The following TMEM182 variants were observed in gnomAD, a reference collection of about 807,000 sequenced individuals.
The protein encoded by TMEM182 is transmembrane protein 182.
TMEM182 carries 20 observed loss-of-function variants against 26.8 expected under a neutral mutation model. That is an observed-to-expected ratio of 0.75 (90% CI 0.53 to 1.09). The LOEUF (loss-of-function observed/expected upper bound fraction) is 1.09. Among genes scored for constraint, TMEM182 ranks in the 50% least tolerant of loss-of-function variants. The pLI, the probability that TMEM182 is intolerant of heterozygous loss-of-function variation, is 0.00. For synonymous variants in TMEM182, 109 were observed against 102.2 expected, an observed-to-expected ratio of 1.07 and a Z score of -0.40; for missense variants, 277 against 275.5, an observed-to-expected ratio of 1.01 and a Z score of -0.04.
At chr2:102,771,106 C>T (rs930186593) in intron 3 of TMEM182, among the ~76,000 whole-genome samples, 1 of 152,210 alleles carries the variant, frequency 6.6e-6, no homozygotes, top group African/African-American at 2.4e-5. Context: ...CAGCAAATCA[C>T]TCCAAATACT....
intron 3 of TMEM182, among the ~76,000 whole-genome samples, chr2:102,836,882 A>G (rs1455001563): frequency 2.0e-5 from 3 of 152,306 alleles, no homozygotes; most frequent in African/African-American, 4.8e-5. Flanking sequence ...GGGAATCCTG[A>G]TGGCTATTCC....
chr2:102,836,798 C>T (rs556796204), intron 3 of TMEM182, among the ~76,000 whole-genome samples: 4 of 152,352 alleles, frequency 2.6e-5, no homozygotes, highest in Admixed American at 2.6e-4. Flanking sequence ...TGCTGCCCCA[C>T]AGACAACTTC....
intron 3 of TMEM182, among the ~76,000 whole-genome samples, chr2:102,840,021 A>G (rs1683316963): frequency 6.6e-6 from 1 of 152,242 alleles, no homozygotes; most frequent in South Asian, 2.1e-4. Context: ...ATCTGTTCTT[A>G]GTGAGAAGTA....
chr2:102,771,989 C>G (rs968850568), intron 3 of TMEM182, among the ~76,000 whole-genome samples: 5 of 152,130 alleles, frequency 3.3e-5, no homozygotes, highest in Non-Finnish European at 5.9e-5. Flanking sequence ...GACATTTAGT[C>G]CCAAAACTTC....
At chr2:102,807,627 T>C (rs185828975) in intron 4 of TMEM182, among the ~76,000 whole-genome samples, 155 of 152,332 alleles carry the variant, frequency 1.0e-3, no homozygotes, top group Non-Finnish European at 1.7e-3. Context: ...TATTACTCTT[T>C]AGCAAATGTG....
intron 4 of TMEM182, among the ~76,000 whole-genome samples, chr2:102,800,495 A>G (rs772487880): frequency 6.6e-6 from 1 of 152,092 alleles, no homozygotes; most frequent in Non-Finnish European, 1.5e-5. Flanking sequence ...TATATCCCTT[A>G]AAACTGAGCA....
chr2:102,755,387 A>T (rs1015818486), intron 1 of TMEM182, among the ~76,000 whole-genome samples: 4 of 152,202 alleles, frequency 2.6e-5, no homozygotes, highest in Non-Finnish European at 2.9e-5. Context: ...CAGGAAGGAA[A>T]TTAGGGAAGG....
At chr2:102,801,688 A>G (rs1270053396) in intron 4 of TMEM182, among the ~76,000 whole-genome samples, 1 of 152,092 alleles carries the variant, frequency 6.6e-6, no homozygotes, top group African/African-American at 2.4e-5. Flanking sequence ...GAAGCTATAA[A>G]CTCATACTAA....
At chr2:102,763,033 GA>G (rs1392777356) in intron 2 of TMEM182, among the ~76,000 whole-genome samples, 1 of 152,040 alleles carries the variant, frequency 6.6e-6, no homozygotes, top group Non-Finnish European at 1.5e-5. Context: ...AAATAAATAA[GA>G]TTTTTTTGCT....
At chr2:102,741,820 CACA>C (rs888773342) in intron 1 of TMEM182, among the ~76,000 whole-genome samples, 9 of 152,102 alleles carry the variant, frequency 5.9e-5, no homozygotes, top group African/African-American at 2.2e-4. Context: ...GGAGAAAACA[CACA>C]ACAAGGAACT....
rs1248506416 is a variant in TMEM182 at position 102,762,266 on chromosome 2, G to C, written c.49G>C (p.Gly17Arg). 2.5e-6 allele frequency: 4 copies of C among 1,613,728 alleles called. No homozygotes were observed. Among genetic ancestry groups the C allele is most frequent in the South Asian group, 1.1e-5 (1 of 91,088 alleles). Reference protein sequence around the residue: ...IFFGALFGALGVLLFLVAFGS... With the variant: ...IFFGALFGALRVLLFLVAFGS... ...CTTTGGAGCTCTCTTTGGTGCTTTG[G>C]GGGTGTTACTCTTTTTGGTGGCTTT... Residue 17 changes from glycine to arginine, a missense_variant, in exon 1 of 5, where the codon GGG becomes CGG. Transcript: ENST00000412401.
At chr2:102,789,600 A>G (rs1681548076) in intron 3 of TMEM182, among the ~76,000 whole-genome samples, 1 of 152,176 alleles carries the variant, frequency 6.6e-6, no homozygotes, top group African/African-American at 2.4e-5. Flanking sequence ...CAGTCTTTTA[A>G]GAGCTCCCAC....
intron 3 of TMEM182, among the ~76,000 whole-genome samples, chr2:102,783,538 A>C (rs1263114858): frequency 2.0e-5 from 3 of 152,196 alleles, no homozygotes; most frequent in African/African-American, 7.2e-5. Context: ...CATTTCCACC[A>C]CATTCCTTTA....
chr2:102,764,495 A>C, intron 3 of TMEM182, 68 bp downstream of exon 3: 1 of 1,327,770 alleles, frequency 7.5e-7, no homozygotes, highest in South Asian at 1.4e-5. Flanking sequence ...CCCAGATCAA[A>C]ATTGTTGTGA....
At chr2:102,748,319 T>C (rs1020365985) in intron 1 of TMEM182, among the ~76,000 whole-genome samples, 1 of 152,254 alleles carries the variant, frequency 6.6e-6, no homozygotes, top group African/African-American at 2.4e-5. Context: ...TATCTAGTCC[T>C]GTGAGTGGCC....
rs1017560022 is a variant in TMEM182, at chr2:102,817,034, A to G, written c.*2066A>G. 9.1e-6 allele frequency: 9 copies of G among 985,686 alleles called. No homozygotes were observed. Among genetic ancestry groups the G allele is most frequent in the Non-Finnish European group, 1.1e-5 (9 of 829,926 alleles). 61.1% of individuals were successfully genotyped at this position (985,686 alleles called of 1,614,324 possible). A position where few individuals can be genotyped will look rare whatever the true frequency, so the allele number is the denominator to read the frequency against. On this transcript the variant is annotated 3_prime_UTR_variant, in exon 5 of 5. Transcript: ENST00000412401. Reference sequence around the variant, plus strand: ...CAGATTTGCACTTTGGAACTATTTTATAGTTGTAATGCATCAATCAAATAC... The same window carrying G: ...CAGATTTGCACTTTGGAACTATTTTGTAGTTGTAATGCATCAATCAAATAC...
intron 4 of TMEM182, among the ~76,000 whole-genome samples, chr2:102,809,699 A>G (rs1173969074): frequency 2.0e-5 from 3 of 152,232 alleles, no homozygotes; most frequent in African/African-American, 7.2e-5. Flanking sequence ...TCTGTTGAAA[A>G]TAGCCACAAT....
intron 3 of TMEM182, among the ~76,000 whole-genome samples, chr2:102,784,734 C>G (rs1250194787): frequency 6.6e-6 from 1 of 152,162 alleles, no homozygotes; most frequent in Non-Finnish European, 1.5e-5. Flanking sequence ...TTATTCATGC[C>G]TCCCCTTTTT....
In TMEM182 at chr2:102,795,677, G is replaced by A. The variant is rs556119928; in HGVS notation, c.332-2186G>A. Among the ~76,000 whole-genome samples, 5 of 152,152 alleles carry A rather than the reference G, an allele frequency of 3.3e-5. No individual in the cohort carries two copies. The East Asian group carries it at 9.7e-4, about 29-fold the overall frequency. ...CTGTTTCCTGTGCATGTGCAACTTG[G>A]GGGTGTGCTTGGTATTTGTGTAGGT... On this transcript the variant is annotated intron_variant, in intron 3 of 4. Transcript: ENST00000412401.
Sources: gnomAD v4.1 joint callset for allele counts (sites outside exome capture counted in the v4.1 genomes callset) on GRCh38, gnomAD v4.1.1 for gene constraint, MANE v1.5 for transcripts, NCBI Gene and HGNC (gene_info 2026-07-23, HGNC 2026-07-21) for gene names.